The following EIF4E3 variants were observed in gnomAD, a reference collection of about 807,000 sequenced individuals.
The protein encoded by EIF4E3 is eukaryotic translation initiation factor 4E type 3.
EIF4E3 carries 26 observed loss-of-function variants against 31.7 expected under a neutral mutation model. That is an observed-to-expected ratio of 0.82 (90% CI 0.60 to 1.14). EIF4E3 has a LOEUF of 1.14. EIF4E3 is among the 50% of genes most tolerant of loss of function. The pLI is 0.00. For missense variants in EIF4E3, 304 were observed against 270.9 expected (o/e 1.12, Z -0.86); for synonymous variants, 128 against 107.7 (o/e 1.19, Z -1.17).
chr3:71,659,668 T>C, the EIF4E3 span, among the ~76,000 whole-genome samples: 8 of 152,202 alleles, frequency 5.3e-5, no homozygotes, highest in Admixed American at 4.6e-4. Context: ...TGCCAGGATA[T>C]ATTAAAAACA....
At chr3:71,719,929 GCTTGAGCCCAGGAGGTAGAA>G (rs2049521060) in intron 1 of EIF4E3, among the ~76,000 whole-genome samples, 1 of 151,984 alleles carries the variant, frequency 6.6e-6, no homozygotes, top group Admixed American at 6.6e-5. Context: ...TGGAGGGATT[GCTTGAGCCCAGGAGGTAGAA>G]GCTATAATGA....
chr3:71,663,967 C>T, the EIF4E3 span, among the ~76,000 whole-genome samples: 2 of 152,150 alleles, frequency 1.3e-5, no homozygotes, highest in African/African-American at 4.8e-5. Context: ...GGTAAGTGGG[C>T]AGGGAGAGGG....
intron 2 of EIF4E3, 67 bp from the exon 3 acceptor site, chr3:71,699,775 CA>C (rs1420422260): frequency 3.0e-6 from 4 of 1,336,164 alleles, no homozygotes; most frequent in Non-Finnish European, 4.2e-6. Flanking sequence ...GCTAGATTAT[CA>C]AATTAATGCA....
At chr3:71,744,625 GT>G (rs1288863291) in intron 1 of EIF4E3, among the ~76,000 whole-genome samples, 1 of 152,116 alleles carries the variant, frequency 6.6e-6, no homozygotes, top group Non-Finnish European at 1.5e-5. Flanking sequence ...CGTGCCTGTA[GT>G]CCCAGCTACT....
Position 71,680,822 on chromosome 3 carries a change from C to A in EIF4E3, c.*3860G>T, listed in dbSNP as rs758458630. ...TCACCAAACTCTTGAGTAATTTTAA[C>A]TGATCTCAATATATTCTTTTCAGAA... On this transcript the variant is annotated 3_prime_UTR_variant, in exon 7 of 7. Transcript: ENST00000425534. 1 of 152,202 alleles carries A rather than the reference C, an allele frequency of 6.6e-6. No homozygotes were observed. Among genetic ancestry groups the A allele is most frequent in the Non-Finnish European group, 1.5e-5 (1 of 68,034 alleles). 9.4% of individuals were successfully genotyped at this position (152,202 alleles called of 1,614,324 possible). A position where few individuals can be genotyped will look rare whatever the true frequency, so the allele number is the denominator to read the frequency against.
downstream of EIF4E3, among the ~76,000 whole-genome samples, chr3:71,673,259 A>G (rs1017520523): frequency 1.3e-5 from 2 of 152,242 alleles, no homozygotes; most frequent in Admixed American, 6.5e-5. Flanking sequence ...CAGAGTAAGC[A>G]ATCTTTATAC....
chr3:71,699,904 G>A (rs1248428896), intron 2 of EIF4E3, among the ~76,000 whole-genome samples, 196 bp from the exon 3 acceptor site: 2 of 152,126 alleles, frequency 1.3e-5, no homozygotes, highest in African/African-American at 4.8e-5. Context: ...GGGCTTGGTG[G>A]CTCATGCCTG....
chr3:71,720,606 A>G (rs535696084), intron 1 of EIF4E3, among the ~76,000 whole-genome samples: 2 of 152,318 alleles, frequency 1.3e-5, no homozygotes, highest in South Asian at 4.1e-4. Context: ...ACACAACTTC[A>G]TAAAAGAGGT....
rs187841226 is a variant in EIF4E3 at position 71,694,829 on chromosome 3, T to C, written c.406-888A>G. ...TCCGACCTTCCAGGGCTGTTGTGGGTATGAAATTAGTCAACAAGTGTGCAC... is the reference window on the plus strand; with the variant it reads ...TCCGACCTTCCAGGGCTGTTGTGGGCATGAAATTAGTCAACAAGTGTGCAC... On this transcript the variant is annotated intron_variant, in intron 4 of 6. Transcript: ENST00000425534. Among the ~76,000 whole-genome samples, 339 of 152,226 alleles carry C rather than the reference T, an allele frequency of 2.2e-3. 1 individual carries two copies. The highest frequency in any genetic ancestry group is 3.0e-3 in the Non-Finnish European group (205 of 68,016).
At chr3:71,697,681 C>G (rs1392293256) in intron 3 of EIF4E3, among the ~76,000 whole-genome samples, 3 of 151,770 alleles carry the variant, frequency 2.0e-5, no homozygotes, top group Admixed American at 6.6e-5. Context: ...CTTTCCATGT[C>G]TGGTTTATCT....
At chr3:71,732,415 A>AG (rs397810729) in intron 1 of EIF4E3, among the ~76,000 whole-genome samples, 1 of 151,936 alleles carries the variant, frequency 6.6e-6, no homozygotes, top group Admixed American at 6.6e-5. Context: ...AAAAAAAAAA[A>AG]GTCCCAACGA....
intron 1 of EIF4E3, among the ~76,000 whole-genome samples, chr3:71,732,618 T>C (rs542549218): frequency 6.6e-6 from 1 of 152,362 alleles, no homozygotes; most frequent in South Asian, 2.1e-4. Context: ...ATCACTGGCT[T>C]CTTATCAAAG....
At position 71,710,301 on chromosome 3, in the gene EIF4E3, C is replaced by T. The variant is rs1474374101; in HGVS notation, c.249+111G>A. On this transcript the variant is annotated intron_variant, in intron 2 of 6. Transcript: ENST00000425534. ...CCAACCTGGACCCGAGAGCCAACTC[C>T]AGAGCAGAACCCTGGACAGGGGCTG... 2.3e-6 allele frequency: 3 copies of T among 1,276,676 alleles called. No homozygotes were observed. The East Asian group carries it at 7.6e-5, about 32-fold the overall frequency. 79.1% of individuals were successfully genotyped at this position (1,276,676 alleles called of 1,614,324 possible). A position where few individuals can be genotyped will look rare whatever the true frequency, so the allele number is the denominator to read the frequency against.
chr3:71,708,643 T>G (rs988304221), intron 2 of EIF4E3, among the ~76,000 whole-genome samples: 2 of 152,000 alleles, frequency 1.3e-5, no homozygotes, highest in Non-Finnish European at 2.9e-5. Flanking sequence ...CCAGAACCCC[T>G]TGCATAACCC....
At chr3:71,664,904 C>T in the EIF4E3 span, among the ~76,000 whole-genome samples, 18 of 152,060 alleles carry the variant, frequency 1.2e-4, no homozygotes, top group South Asian at 2.7e-3. Flanking sequence ...CAAAAAAACT[C>T]GAAGACGTAT....
upstream of EIF4E3, chr3:71,754,290 C>T: frequency 3.5e-6 from 4 of 1,146,738 alleles, no homozygotes; most frequent in South Asian, 4.2e-5. The surrounding 1 kb of genome is among the most constrained non-coding windows in gnomAD (Gnocchi z 5.8). Context: ...GGCGGCGCGG[C>T]GTGCGGCGGC....
intron 6 of EIF4E3, among the ~76,000 whole-genome samples, chr3:71,689,649 A>G (rs1023590158): frequency 6.6e-6 from 1 of 152,188 alleles, no homozygotes; most frequent in African/African-American, 2.4e-5. Flanking sequence ...GGATGATTGA[A>G]TATCTACCTG....
At chr3:71,700,503 A>C (rs1487642090) in intron 2 of EIF4E3, among the ~76,000 whole-genome samples, 1 of 151,630 alleles carries the variant, frequency 6.6e-6, no homozygotes, top group Non-Finnish European at 1.5e-5. Context: ...AATCCCAGCT[A>C]CTCGGGAGGC....
chr3:71,741,190 A>ATG (rs1553669116), intron 1 of EIF4E3, among the ~76,000 whole-genome samples: 7 of 145,610 alleles, frequency 4.8e-5, no homozygotes, highest in Non-Finnish European at 9.0e-5. Context: ...ATGCACATGC[A>ATG]CGCGCACACA....
Sources: gnomAD v4.1 joint callset for allele counts (sites outside exome capture counted in the v4.1 genomes callset) on GRCh38, gnomAD v4.1.1 for gene constraint, Gnocchi (gnomAD v3.1) non-coding constraint, MANE v1.5 for transcripts, NCBI Gene and HGNC (gene_info 2026-07-23, HGNC 2026-07-21) for gene names.